ACOT1: variants seen among roughly 807,000 people sequenced by gnomAD.
The protein encoded by ACOT1 is acyl-coenzyme A thioesterase 1.
A neutral mutation model predicts 15.7 loss-of-function variants in ACOT1; 8 were observed. The observed-to-expected ratio is 0.51, with a 90% CI of 0.30 to 0.92. ACOT1 has a LOEUF of 0.92. Ranked by LOEUF, ACOT1 falls within the 40% of genes least tolerant of loss-of-function variation. The pLI is 0.06. For synonymous variants in ACOT1, 67 were observed against 241.2 expected, an observed-to-expected ratio of 0.28 and a Z score of 6.69; for missense variants, 151 against 539.4, an observed-to-expected ratio of 0.28 and a Z score of 7.13.
upstream of ACOT1, among the ~76,000 whole-genome samples, chr14:73,533,697 G>A (rs1284677578): frequency 1.8e-5 from 2 of 111,118 alleles, 1 homozygote; most frequent in African/African-American, 5.9e-5. Context: ...AATGGATAAT[G>A]GTGATAGTTG....
chr14:73,516,147 C>CAAA, the ACOT1 span, among the ~76,000 whole-genome samples: 3 of 9,152 alleles, frequency 3.3e-4, no homozygotes, highest in Non-Finnish European at 3.1e-4. Context: ...CAACAGTCAT[C>CAAA]AAAAAAAAAA....
At chr14:73,525,144 T>A in the ACOT1 span, among the ~76,000 whole-genome samples, 1 of 152,104 alleles carries the variant, frequency 6.6e-6, no homozygotes, top group Non-Finnish European at 1.5e-5. Flanking sequence ...ATCCTCCTAC[T>A]TCAGCCTCCC....
At chr14:73,506,489 C>T in the ACOT1 span, 66 of 1,613,584 alleles carry the variant, frequency 4.1e-5, no homozygotes, top group African/African-American at 5.3e-4. Flanking sequence ...TCCACTGATC[C>T]GGGAGAAAGC....
chr14:73,508,146 CAGAT>C, the ACOT1 span: 1 of 1,614,084 alleles, frequency 6.2e-7, no homozygotes, highest in Non-Finnish European at 8.5e-7. Context: ...TCTTCTCACT[CAGAT>C]AGCTCAGGAG....
chr14:73,523,291 T>C, the ACOT1 span: 1 of 757,378 alleles, frequency 1.3e-6, no homozygotes, highest in Non-Finnish European at 2.0e-6. Flanking sequence ...CCATAGCAGT[T>C]CAGAAAGAGA....
the ACOT1 span, among the ~76,000 whole-genome samples, chr14:73,516,001 A>T: frequency 1.6e-5 from 1 of 64,420 alleles, no homozygotes; most frequent in South Asian, 4.7e-4. Context: ...GTTAAAATGG[A>T]TTTGCGGTGA....
the ACOT1 span, among the ~76,000 whole-genome samples, chr14:73,513,728 CAAAAAAA>C: frequency 4.3e-5 from 2 of 46,758 alleles, no homozygotes; most frequent in African/African-American, 7.6e-5. Context: ...ACTACGTCTC[CAAAAAAA>C]AAAAAAAAAA....
chr14:73,526,852 C>T, the ACOT1 span, among the ~76,000 whole-genome samples: 1 of 152,106 alleles, frequency 6.6e-6, no homozygotes, highest in African/African-American at 2.4e-5. Flanking sequence ...TGCAAAGCTT[C>T]AGGTGTGACC....
chr14:73,521,642 C>T, the ACOT1 span, among the ~76,000 whole-genome samples: 11 of 152,220 alleles, frequency 7.2e-5, no homozygotes, highest in Non-Finnish European at 1.5e-4. Flanking sequence ...AGTCTTCCCT[C>T]TAGCTATAAA....
the ACOT1 span, chr14:73,523,139 T>C: frequency 6.3e-7 from 1 of 1,597,706 alleles, no homozygotes; most frequent in East Asian, 2.2e-5. Context: ...CTTTCCCTTC[T>C]GGGTCCTGGT....
Position 73,542,732 on chromosome 14 carries a change from A to T in ACOT1, c.661-318A>T, listed in dbSNP as rs1333491462. On this transcript the variant is annotated intron_variant, in intron 2 of 2. Coordinates refer to ENST00000311148, the MANE Select transcript of ACOT1 (RefSeq NM_001037161.2). ...TGAGATGACGTACTTGTTGATGACG[A>T]CTCAGTTTAGTTATGACAGTGGGAA... 1.1e-4 allele frequency among the ~76,000 whole-genome samples: 12 copies of T among 111,430 alleles called. 5 individuals are homozygous for T. Among genetic ancestry groups the T allele is most frequent in the Non-Finnish European group, 2.3e-4 (12 of 52,096 alleles). The allele number at this position is 111,430 out of a possible 152,430, so 73.1% of individuals were successfully genotyped here.
chr14:73,512,001 C>G, the ACOT1 span: 1 of 1,613,864 alleles, frequency 6.2e-7, no homozygotes, highest in Non-Finnish European at 8.5e-7. Flanking sequence ...AGCTTTGGCT[C>G]TCACCTGAGT....
chr14:73,529,871 C>T, the ACOT1 span, among the ~76,000 whole-genome samples: 2 of 149,700 alleles, frequency 1.3e-5, no homozygotes, highest in Admixed American at 6.8e-5. Flanking sequence ...ATACTCTCAT[C>T]TCTACCAACA....
chr14:73,517,665 CA>C, the ACOT1 span, among the ~76,000 whole-genome samples: 4,095 of 59,320 alleles, frequency 0.069, 95 homozygotes, highest in East Asian at 0.29. Flanking sequence ...GAGACCCTGT[CA>C]AAAAAAAAAA....
At chr14:73,528,597 A>C in the ACOT1 span, among the ~76,000 whole-genome samples, 5 of 152,070 alleles carry the variant, frequency 3.3e-5, no homozygotes, top group Admixed American at 3.3e-4. Flanking sequence ...CAAATTGTGC[A>C]CTTCCCAGTC....
upstream of ACOT1, among the ~76,000 whole-genome samples, chr14:73,535,652 T>C (rs573646608): frequency 6.6e-4 from 72 of 109,608 alleles, 22 homozygotes; most frequent in Middle Eastern, 0.019. Flanking sequence ...GTATTTTTGG[T>C]TTTTTTTTAG....
At chr14:73,500,720 C>G in the ACOT1 span, 1 of 1,613,542 alleles carries the variant, frequency 6.2e-7, no homozygotes, top group Admixed American at 1.7e-5. Flanking sequence ...TTTCCTTGAC[C>G]TAGCTTGACC....
the ACOT1 span, chr14:73,531,097 C>A: frequency 1.8e-5 from 2 of 110,836 alleles, no homozygotes; most frequent in Non-Finnish European, 3.9e-5. Flanking sequence ...TTCCAGCTGA[C>A]ACCATCCAGC....
chr14:73,492,819 C>T, the ACOT1 span: 4 of 1,613,918 alleles, frequency 2.5e-6, no homozygotes, highest in Non-Finnish European at 3.4e-6. This position sits in a 1 kb window ranked among gnomAD's most constrained non-coding sequence, Gnocchi z 4.9. Context: ...TTGCTTGGTT[C>T]TTATCCAGAG....
Sources: gnomAD v4.1 joint callset for allele counts (sites outside exome capture counted in the v4.1 genomes callset) on GRCh38, gnomAD v4.1.1 for gene constraint, Gnocchi (gnomAD v3.1) non-coding constraint, MANE v1.5 for transcripts, NCBI Gene and HGNC (gene_info 2026-07-23, HGNC 2026-07-21) for gene names.